Variants in AP3S2 observed in about 807,000 individuals in gnomAD.
AP3S2 encodes the protein AP-3 complex subunit sigma-2.
Under a neutral mutation model 23.4 loss-of-function variants are expected in AP3S2, and 22 were observed. The observed-to-expected ratio is 0.94, with a 90% CI of 0.67 to 1.34. The LOEUF (loss-of-function observed/expected upper bound fraction) is 1.34, where lower values mean the gene tolerates loss of function less well. Among genes scored for constraint, AP3S2 ranks in the 40% most tolerant of loss-of-function variants. AP3S2 has a pLI of 0.00. For missense variants in AP3S2, 241 were observed against 236.9 expected (o/e 1.02, Z -0.11); for synonymous variants, 86 against 87.1 (o/e 0.99, Z 0.07).
In AP3S2 at chr15:89,861,152, G is replaced by A. The variant is rs114853084; in HGVS notation, c.345+10323C>T. Among the ~76,000 whole-genome samples the A allele has an allele frequency of 5.6e-3, 856 of 152,212 alleles. 4 individuals are homozygous for A. Among genetic ancestry groups the A allele is most frequent in the Non-Finnish European group, 6.7e-3 (454 of 68,022 alleles). The stretch of plus-strand genomic sequence containing the variant: ...ATGATCCTTTCATCTTAGTGCTCAC[G>A]AGTTAATTTTGAACTCTCAGCATTT... On this transcript the variant is annotated intron_variant, in intron 4 of 5. Coordinates refer to ENST00000336418, the MANE Select transcript of AP3S2 (RefSeq NM_005829.5).
chr15:89,866,462 G>C (rs1896123039), intron 4 of AP3S2, among the ~76,000 whole-genome samples: 1 of 151,566 alleles, frequency 6.6e-6, no homozygotes, highest in Non-Finnish European at 1.5e-5. Context: ...CAGGTGTTGG[G>C]CAGCTGGCAT....
chr15:89,854,301 T>C (rs1200523547), intron 4 of AP3S2, among the ~76,000 whole-genome samples: 1 of 11,488 alleles, frequency 8.7e-5, no homozygotes, highest in Non-Finnish European at 1.7e-4. Context: ...GATGGGGGGG[T>C]CAGCCCCCCC....
In AP3S2 at chr15:89,837,605, G is replaced by T. The variant is rs1895224954; in HGVS notation, c.453+10C>A. On this transcript the variant is annotated intron_variant, in intron 5 of 5. Coordinates refer to ENST00000336418, the MANE Select transcript of AP3S2 (RefSeq NM_005829.5). ...ACCCAGCCAGGGCTAGAGCACAGCTGCTTACTCACCTCGGATTTCTCCAGC... is the reference window on the plus strand; with the variant it reads ...ACCCAGCCAGGGCTAGAGCACAGCTTCTTACTCACCTCGGATTTCTCCAGC... 1 of 1,614,004 alleles carries T rather than the reference G, an allele frequency of 6.2e-7. No homozygotes were observed. Among genetic ancestry groups the T allele is most frequent in the Non-Finnish European group, 8.5e-7 (1 of 1,179,936 alleles).
intron 3 of AP3S2, among the ~76,000 whole-genome samples, chr15:89,878,995 C>T (rs370730682): frequency 7.9e-5 from 12 of 152,250 alleles, no homozygotes. Flanking sequence ...ATCTGCCTGC[C>T]TCAGCCTCCC....
intron 3 of AP3S2, among the ~76,000 whole-genome samples, chr15:89,877,972 A>C (rs1896482197): frequency 6.6e-6 from 1 of 152,224 alleles, no homozygotes; most frequent in Non-Finnish European, 1.5e-5. Flanking sequence ...ATAGAAGGAC[A>C]ATATTTTTTG....
chr15:89,875,327 G>C (rs62020515), intron 3 of AP3S2, among the ~76,000 whole-genome samples: 1 of 152,208 alleles, frequency 6.6e-6, no homozygotes, highest in Non-Finnish European at 1.5e-5. Flanking sequence ...AGATGGACTA[G>C]CCCCAGAAAA....
Position 89,832,166 on chromosome 15 carries a change from AG to A in AP3S2, c.*3348del, listed in dbSNP as rs1224514146. ...AGCACTGAAAACCCAGTATTTGGCC[AG>A]GTCCAGTGGCTCACACCTGTAATCC... is the stretch of plus-strand genomic sequence containing the variant. On this transcript the variant is annotated 3_prime_UTR_variant, in exon 6 of 6. Transcript: ENST00000336418. 6.6e-6 allele frequency: 1 copy of A among 152,246 alleles called. No homozygotes were observed. The highest frequency in any genetic ancestry group is 1.5e-5 in the Non-Finnish European group (1 of 68,054). The allele number at this position is 152,246 out of a possible 1,614,324, so 9.4% of individuals were successfully genotyped here. A position where few individuals can be genotyped will look rare whatever the true frequency, so the allele number is the denominator to read the frequency against.
At chr15:89,869,951 G>A (rs997387732) in intron 4 of AP3S2, among the ~76,000 whole-genome samples, 50 of 152,254 alleles carry the variant, frequency 3.3e-4, no homozygotes, top group African/African-American at 1.0e-3. Flanking sequence ...ATGTTGGCCA[G>A]GCTGGTCTTA....
intron 4 of AP3S2, among the ~76,000 whole-genome samples, chr15:89,863,688 A>G (rs1358619402): frequency 1.1e-4 from 16 of 152,216 alleles, no homozygotes. Context: ...ACACAGGCCT[A>G]CTACTCCGGC....
chr15:89,877,478 G>T lies in AP3S2; in HGVS notation c.274-5932C>A, dbSNP rs539820936. ...TTACCATCATAGCCATTTTTTAAGT[G>T]TACAATTCAGTAGCATTCGATAACG... is the stretch of plus-strand genomic sequence containing the variant. On this transcript the variant is annotated intron_variant, in intron 3 of 5. Transcript: ENST00000336418. 52 of 921,778 alleles carry T rather than the reference G, an allele frequency of 5.6e-5. No homozygotes were observed. The African/African-American group carries it at 7.3e-4, about 13-fold the overall frequency. 57.1% of individuals were successfully genotyped at this position (921,778 alleles called of 1,614,324 possible). A position where few individuals can be genotyped will look rare whatever the true frequency, so the allele number is the denominator to read the frequency against.
chr15:89,858,520 AG>A (rs1567178788), intron 4 of AP3S2, among the ~76,000 whole-genome samples: 69 of 46,008 alleles, frequency 1.5e-3, no homozygotes, highest in Admixed American at 3.0e-3. Flanking sequence ...AGAGAGAGAG[AG>A]AGAGAAAGAA....
chr15:89,864,470 C>T (rs1177244401), intron 4 of AP3S2, among the ~76,000 whole-genome samples: 3 of 152,194 alleles, frequency 2.0e-5, no homozygotes, highest in Admixed American at 2.0e-4. Context: ...AAATACTCTA[C>T]TTCATGGTGA....
At position 89,842,915 on chromosome 15, in the gene AP3S2, C is replaced by T. The variant is rs145101127; in HGVS notation, c.346-5193G>A. Among the ~76,000 whole-genome samples the T allele has an allele frequency of 1.3e-3, 195 of 151,820 alleles. 1 individual carries two copies. Among genetic ancestry groups the T allele is most frequent in the African/African-American group, 4.5e-3 (186 of 41,416 alleles). ...CGTAAGCCACTGTGCCCAGAAGACT[C>T]AAGGACTTTATACCCAGTCAACTGT... On this transcript the variant is annotated intron_variant, in intron 4 of 5. Transcript: ENST00000336418.
chr15:89,842,286 A>G (rs1248853219), intron 4 of AP3S2, among the ~76,000 whole-genome samples: 1 of 152,230 alleles, frequency 6.6e-6, no homozygotes, highest in African/African-American at 2.4e-5. Flanking sequence ...ATATTTGCAT[A>G]AAAGAAAACT....
chr15:89,858,519 G>GAGAGAA (rs1895915241), intron 4 of AP3S2, among the ~76,000 whole-genome samples: 1 of 44,156 alleles, frequency 2.3e-5, no homozygotes, highest in Non-Finnish European at 4.9e-5. Flanking sequence ...GAGAGAGAGA[G>GAGAGAA]AGAGAGAAAG....
At chr15:89,840,196 G>C (rs1013778706) in intron 4 of AP3S2, among the ~76,000 whole-genome samples, 1 of 152,148 alleles carries the variant, frequency 6.6e-6, no homozygotes, top group Non-Finnish European at 1.5e-5. Flanking sequence ...CTTAAAAATG[G>C]TGAAGACAGG....
intron 5 of AP3S2, 58 bp from the exon 6 acceptor site, chr15:89,835,701 TAAA>T (rs5814404): frequency 0.096 from 95,873 of 999,408 alleles, 2 homozygotes; most frequent in East Asian, 0.12. Flanking sequence ...TGCTTAATGC[TAAA>T]AAAAAAAAAA....
At chr15:89,874,184 C>A (rs1896388207) in intron 3 of AP3S2, among the ~76,000 whole-genome samples, 1 of 148,624 alleles carries the variant, frequency 6.7e-6, no homozygotes, top group Non-Finnish European at 1.5e-5. Flanking sequence ...TTTTAAGTTG[C>A]TTTTTATTGT....
intron 4 of AP3S2, among the ~76,000 whole-genome samples, chr15:89,855,509 C>T (rs1182799058): frequency 1.6e-5 from 2 of 128,326 alleles, no homozygotes; most frequent in African/African-American, 6.0e-5. Flanking sequence ...TGAGAAACAC[C>T]CAAGAATTAT....
Sources: allele counts gnomAD v4.1 joint callset (sites outside exome capture counted in the v4.1 genomes callset), GRCh38; gene constraint gnomAD v4.1.1; transcripts MANE v1.5; gene names NCBI Gene and HGNC (gene_info 2026-07-23, HGNC 2026-07-21).